The following GRIK2 variants were observed in gnomAD, a reference collection of about 807,000 sequenced individuals.
GRIK2 encodes glutamate receptor ionotropic, kainate 2.
A neutral mutation model predicts 100.3 loss-of-function variants in GRIK2; 32 were observed. The ratio of observed to expected loss-of-function variants is 0.32; its 90% CI spans 0.24 to 0.43. The LOEUF (loss-of-function observed/expected upper bound fraction) is 0.43, where lower values mean the gene tolerates loss of function less well. Ranked by LOEUF, GRIK2 falls within the 20% of genes least tolerant of loss-of-function variation. The pLI, the probability that GRIK2 is intolerant of heterozygous loss-of-function variation, is 1.00. For synonymous variants in GRIK2, 417 were observed against 389.4 expected, an observed-to-expected ratio of 1.07 and a Z score of -0.83; for missense variants, 843 against 1,114.9, an observed-to-expected ratio of 0.76 and a Z score of 3.47.
At chr6:101,505,257 C>T (rs974530743) in intron 2 of GRIK2, among the ~76,000 whole-genome samples, 4 of 152,076 alleles carry the variant, frequency 2.6e-5, no homozygotes, top group East Asian at 3.9e-4. Flanking sequence ...GTACCTGGCA[C>T]GTTTTGTGCC....
At chr6:101,604,629 A>G (rs1779364522) in intron 2 of GRIK2, among the ~76,000 whole-genome samples, 1 of 151,918 alleles carries the variant, frequency 6.6e-6, no homozygotes, top group Non-Finnish European at 1.5e-5. Context: ...AGAGCCGAGG[A>G]TGATAAACTA....
At chr6:101,977,041 A>G (rs1424142537) in intron 14 of GRIK2, among the ~76,000 whole-genome samples, 1 of 151,994 alleles carries the variant, frequency 6.6e-6, no homozygotes, top group Non-Finnish European at 1.5e-5. Context: ...ACATGATGAC[A>G]CAGGTACTAA....
chr6:101,683,035 T>G (rs999648801), intron 6 of GRIK2, among the ~76,000 whole-genome samples: 1 of 151,940 alleles, frequency 6.6e-6, no homozygotes, highest in South Asian at 2.1e-4. Context: ...GAAACCCATC[T>G]CTACTAAAAA....
chr6:101,968,598 G>A (rs1164240048), intron 14 of GRIK2, among the ~76,000 whole-genome samples: 1 of 151,920 alleles, frequency 6.6e-6, no homozygotes, highest in Non-Finnish European at 1.5e-5. Flanking sequence ...TAGATCCTCA[G>A]TCTCAAGATT....
At chr6:101,723,127 T>C (rs1360259026) in intron 7 of GRIK2, among the ~76,000 whole-genome samples, 1 of 152,048 alleles carries the variant, frequency 6.6e-6, no homozygotes, top group African/African-American at 2.4e-5. Context: ...ATGCACTACT[T>C]TGAGTGAGTC....
chr6:101,753,449 A>G (rs576504659), intron 7 of GRIK2, among the ~76,000 whole-genome samples: 4 of 152,258 alleles, frequency 2.6e-5, no homozygotes, highest in African/African-American at 9.6e-5. Flanking sequence ...TAAACTCACA[A>G]TATAATCTGA....
intron 2 of GRIK2, among the ~76,000 whole-genome samples, chr6:101,463,667 A>G (rs1771462528): frequency 6.6e-6 from 1 of 152,120 alleles, no homozygotes; most frequent in Admixed American, 6.5e-5. Context: ...TTCCTGGCAG[A>G]CACCTCCAAG....
intron 4 of GRIK2, among the ~76,000 whole-genome samples, chr6:101,666,093 T>C (rs551441169): frequency 1.3e-5 from 2 of 152,248 alleles, no homozygotes; most frequent in South Asian, 2.1e-4. Context: ...ATTTCAGGGG[T>C]CCCAAAGATT....
intron 2 of GRIK2, among the ~76,000 whole-genome samples, chr6:101,599,140 A>G (rs1379083020): frequency 6.6e-6 from 1 of 151,832 alleles, no homozygotes; most frequent in African/African-American, 2.4e-5. Flanking sequence ...TCCAATATTT[A>G]GCACCCACTT....
intron 14 of GRIK2, among the ~76,000 whole-genome samples, chr6:102,000,828 A>G (rs969080839): frequency 6.6e-6 from 1 of 152,074 alleles, no homozygotes; most frequent in African/African-American, 2.4e-5. Context: ...GACATTTTGA[A>G]AGAGTCAGAT....
chr6:101,906,026 CAA>C (rs1333520897), intron 12 of GRIK2, among the ~76,000 whole-genome samples: 2 of 151,502 alleles, frequency 1.3e-5, no homozygotes, highest in African/African-American at 4.8e-5. Flanking sequence ...TTTCTTAACT[CAA>C]ATATTAAAGT....
At chr6:101,804,630 C>T (rs972651711) in intron 9 of GRIK2, among the ~76,000 whole-genome samples, 3 of 151,784 alleles carry the variant, frequency 2.0e-5, no homozygotes, top group African/African-American at 4.8e-5. Context: ...AAGCATAACT[C>T]AAATATTGGA....
At chr6:101,684,493 T>A (rs1771527457) in intron 6 of GRIK2, among the ~76,000 whole-genome samples, 1 of 152,142 alleles carries the variant, frequency 6.6e-6, no homozygotes, top group African/African-American at 2.4e-5. Context: ...GTGTCTCCAC[T>A]CACACTTTGA....
At chr6:101,605,695 A>G (rs1437880693) in intron 2 of GRIK2, among the ~76,000 whole-genome samples, 1 of 152,058 alleles carries the variant, frequency 6.6e-6, no homozygotes, top group African/African-American at 2.4e-5. Flanking sequence ...ACAAACAAAC[A>G]AAAACACTTT....
chr6:101,633,901 A>G (rs991883652), intron 4 of GRIK2, among the ~76,000 whole-genome samples: 14 of 152,206 alleles, frequency 9.2e-5, no homozygotes, highest in African/African-American at 3.4e-4. Context: ...TAAGTGATAG[A>G]TCTGGGTTTT....
chr6:102,034,390 G>GA lies in GRIK2; in HGVS notation c.2086-947dup, dbSNP rs1770155090. ...AAAAATATTCCATATCTATTTGCTTGAAAAGAGTTTTAACTTTTTATGATA... is the reference window on the plus strand; with the variant it reads ...AAAAATATTCCATATCTATTTGCTTGAAAAAGAGTTTTAACTTTTTATGATA... On this transcript the variant is annotated intron_variant, in intron 14 of 16. Transcript: ENST00000369134. Among the ~76,000 whole-genome samples the GA allele has an allele frequency of 2.0e-5, 3 of 151,432 alleles. No homozygotes were observed. The South Asian group carries it at 6.2e-4, about 31-fold the overall frequency.
chr6:101,595,927 G>A (rs112904378), intron 2 of GRIK2, among the ~76,000 whole-genome samples: 3,035 of 148,152 alleles, frequency 0.02, 47 homozygotes, highest in Non-Finnish European at 0.032. Flanking sequence ...CCTCTGCCCC[G>A]GTGTTCAGCT....
chr6:102,051,679 C>A (rs1771204762), intron 15 of GRIK2, among the ~76,000 whole-genome samples: 1 of 152,080 alleles, frequency 6.6e-6, no homozygotes, highest in Admixed American at 6.6e-5. Flanking sequence ...AAAACTGCAA[C>A]TGAAGGCCGT....
At chr6:101,904,012 A>G (rs891011103) in intron 12 of GRIK2, among the ~76,000 whole-genome samples, 1 of 151,510 alleles carries the variant, frequency 6.6e-6, no homozygotes, top group African/African-American at 2.4e-5. Context: ...TGCAATAAAG[A>G]AATCTGATTA....
Sources: allele counts gnomAD v4.1 joint callset (sites outside exome capture counted in the v4.1 genomes callset), GRCh38; gene constraint gnomAD v4.1.1; transcripts MANE v1.5; gene names NCBI Gene and HGNC (gene_info 2026-07-23, HGNC 2026-07-21).